Variants in SFMBT2 observed in about 807,000 individuals in gnomAD.
SFMBT2 encodes the protein scm-like with four MBT domains protein 2.
A neutral mutation model predicts 110.1 loss-of-function variants in SFMBT2; 38 were observed. That is an observed-to-expected ratio of 0.35 (90% CI 0.27 to 0.45). The LOEUF is 0.45. Among genes scored for constraint, SFMBT2 ranks in the 20% least tolerant of loss-of-function variants. The probability of loss-of-function intolerance (pLI) is 1.00; values close to 1 mark genes in which losing one functional copy is unlikely to be tolerated. For missense variants in SFMBT2, 1,011 were observed against 1,094.9 expected, an observed-to-expected ratio of 0.92 and a Z score of 1.08; for synonymous variants, 425 against 425.4, an observed-to-expected ratio of 1.00 and a Z score of 0.01.
intron 20 of SFMBT2, among the ~76,000 whole-genome samples, chr10:7,165,477 T>C (rs557425826): frequency 1.3e-5 from 2 of 152,354 alleles, no homozygotes; most frequent in African/African-American, 2.4e-5. Flanking sequence ...AAAAGACTAA[T>C]GTTAAGAGCA....
In SFMBT2 at chr10:7,170,660, G is replaced by A. The variant is rs1486659917; in HGVS notation, c.2544+268C>T. Among the ~76,000 whole-genome samples the A allele has an allele frequency of 6.6e-6, 1 of 152,086 alleles. No homozygotes were observed. The highest frequency in any genetic ancestry group is 1.5e-5 in the Non-Finnish European group (1 of 68,002). The stretch of plus-strand genomic sequence containing the variant: ...CAGGCACCTCCCACCCCTGCTGGGT[G>A]GTGTCACTAGAGCCTGGAAGAGTCA... On this transcript the variant is annotated intron_variant, in intron 20 of 20. Transcript: ENST00000397167. This position sits in a 1 kb window ranked among gnomAD's most constrained non-coding sequence, Gnocchi z 4.6.
At chr10:7,208,908 T>C (rs1029444155) in intron 11 of SFMBT2, among the ~76,000 whole-genome samples, 2 of 152,208 alleles carry the variant, frequency 1.3e-5, no homozygotes, top group Non-Finnish European at 2.9e-5. Flanking sequence ...CAAGTATTTA[T>C]GAGGTCAGAT....
rs530099030 is a variant in SFMBT2 at position 7,385,781 on chromosome 10, C to T, written c.-51-3832G>A. ...TTGGGAGGCCGAGGCGGGCGGATCACGAGGTCAGGAGATCAAGACCATCCT... is the reference window on the plus strand; with the variant it reads ...TTGGGAGGCCGAGGCGGGCGGATCATGAGGTCAGGAGATCAAGACCATCCT... On this transcript the variant is annotated intron_variant, in intron 1 of 20. Transcript: ENST00000397167. 1.0e-3 allele frequency among the ~76,000 whole-genome samples: 157 copies of T among 152,162 alleles called. 1 individual carries two copies. The highest frequency in any genetic ancestry group is 1.7e-3 in the Non-Finnish European group (116 of 68,000).
intron 4 of SFMBT2, among the ~76,000 whole-genome samples, chr10:7,294,206 C>T (rs1051324244): frequency 5.3e-5 from 8 of 152,160 alleles, no homozygotes; most frequent in Admixed American, 2.6e-4. Context: ...AAAGGAAACC[C>T]ACAAAATGGA....
At position 7,227,739 on chromosome 10, in the gene SFMBT2, T is replaced by C. The variant is rs183989730; in HGVS notation, c.1203+116A>G. 7.8e-5 allele frequency: 63 copies of C among 812,268 alleles called. 2 individuals carry two copies. The African/African-American group carries it at 9.0e-4, about 12-fold the overall frequency. The allele number at this position is 812,268 out of a possible 1,614,324, so 50.3% of individuals were successfully genotyped here. A position where few individuals can be genotyped will look rare whatever the true frequency, so the allele number is the denominator to read the frequency against. ...TCCAAAAACTACAGACATTTTGTAG[T>C]TCTCCAGTGCACTGTAATACTCCAA... On this transcript the variant is annotated intron_variant, in intron 10 of 20. Coordinates refer to ENST00000397167, the MANE Select transcript of SFMBT2 (RefSeq NM_001387889.1).
intron 15 of SFMBT2, among the ~76,000 whole-genome samples, chr10:7,197,080 C>T (rs1490673798): frequency 1.3e-5 from 2 of 151,986 alleles, no homozygotes; most frequent in Non-Finnish European, 2.9e-5. Flanking sequence ...GTACCAGGTG[C>T]TCGGAAGAGA....
chr10:7,226,348 A>G (rs1047002007), intron 10 of SFMBT2, among the ~76,000 whole-genome samples: 1 of 152,202 alleles, frequency 6.6e-6, no homozygotes, highest in African/African-American at 2.4e-5. Flanking sequence ...TCATCAACCT[A>G]CTGAATCCTC....
Position 7,284,063 on chromosome 10 carries a change from T to G in SFMBT2, c.613A>C (p.Ile205Leu). 1 of 1,614,094 alleles carries G rather than the reference T, an allele frequency of 6.2e-7. No homozygotes were observed. Among genetic ancestry groups the G allele is most frequent in the Non-Finnish European group, 8.5e-7 (1 of 1,179,990 alleles). Residue 205 changes from isoleucine (I) to leucine (L), a missense_variant, in exon 6 of 21, where the codon ATA becomes CTA. Physicochemically the swap from Ile to Leu is conservative, Grantham distance 5 (BLOSUM62 2). Transcript: ENST00000397167. ...QDSQNPFQYWIVSVIENVGGR... is the reference protein window; with the variant it reads ...QDSQNPFQYWLVSVIENVGGR... ...CCAACATTTTCAATCACACTAACTA[T>G]CCAGTACTGAAAAGGGTTCTGGGAA...
At chr10:7,285,800 T>C in intron 5 of SFMBT2, 66 bp downstream of exon 5, 1 of 815,290 alleles carries the variant, frequency 1.2e-6, no homozygotes, top group Non-Finnish European at 2.2e-6. Flanking sequence ...AAAGGTGCTG[T>C]CAGGTCTGAG....
chr10:7,409,678 T>C (rs923760656), intron 1 of SFMBT2, among the ~76,000 whole-genome samples: 1 of 152,128 alleles, frequency 6.6e-6, no homozygotes, highest in Non-Finnish European at 1.5e-5. Context: ...CCTTCTTTTT[T>C]TCCCCACTTA....
chr10:7,233,024 C>G (rs1040630189), intron 9 of SFMBT2, among the ~76,000 whole-genome samples: 5 of 151,976 alleles, frequency 3.3e-5, no homozygotes, highest in African/African-American at 1.2e-4. Flanking sequence ...GAAGGGTTTA[C>G]AGAAAAAAAT....
At chr10:7,194,574 A>G (rs1219427903) in intron 15 of SFMBT2, among the ~76,000 whole-genome samples, 1 of 152,218 alleles carries the variant, frequency 6.6e-6, no homozygotes, top group African/African-American at 2.4e-5. Context: ...CTCTGTCTTT[A>G]CTTCCATTAC....
chr10:7,212,329 C>T (rs766342835), intron 11 of SFMBT2, among the ~76,000 whole-genome samples: 13 of 152,138 alleles, frequency 8.5e-5, no homozygotes, highest in Non-Finnish European at 1.5e-4. Flanking sequence ...TTTAGGAATA[C>T]ACATTTTATT....
At chr10:7,349,813 G>A (rs1029630707) in intron 4 of SFMBT2, among the ~76,000 whole-genome samples, 1 of 151,976 alleles carries the variant, frequency 6.6e-6, no homozygotes, top group African/African-American at 2.4e-5. Context: ...CTCAGCATGA[G>A]ACCACAAATG....
intron 1 of SFMBT2, among the ~76,000 whole-genome samples, chr10:7,409,603 C>T (rs548025038): frequency 1.1e-3 from 168 of 152,132 alleles, no homozygotes; most frequent in Non-Finnish European, 1.8e-3. Flanking sequence ...CCATCCCTTT[C>T]CCCCCTAGCA....
intron 4 of SFMBT2, among the ~76,000 whole-genome samples, chr10:7,349,455 T>TTG (rs1223894855): frequency 1.6e-5 from 2 of 129,018 alleles, no homozygotes; most frequent in Non-Finnish European, 3.3e-5. Context: ...TTTTTTTTTT[T>TTG]TTTTTTTTTT....
chr10:7,271,762 T>G (rs745999165), intron 7 of SFMBT2, among the ~76,000 whole-genome samples: 5 of 152,084 alleles, frequency 3.3e-5, no homozygotes, highest in Admixed American at 6.5e-5. Context: ...GGTCTCACAA[T>G]CATAGTGGAA....
At chr10:7,361,311 A>G (rs1379485197) in intron 4 of SFMBT2, among the ~76,000 whole-genome samples, 1 of 152,262 alleles carries the variant, frequency 6.6e-6, no homozygotes, top group Non-Finnish European at 1.5e-5. Context: ...AAATTTTAAA[A>G]AGGGTCAGTC....
intron 17 of SFMBT2, among the ~76,000 whole-genome samples, chr10:7,174,063 G>C (rs190472704): frequency 6.6e-6 from 1 of 152,118 alleles, no homozygotes; most frequent in Non-Finnish European, 1.5e-5. Flanking sequence ...AAAAACTGTC[G>C]GGAAGCCGCA....
Sources: allele counts gnomAD v4.1 joint callset (sites outside exome capture counted in the v4.1 genomes callset), GRCh38; gene constraint gnomAD v4.1.1; non-coding constraint Gnocchi (gnomAD v3.1); transcripts MANE v1.5; gene names NCBI Gene and HGNC (gene_info 2026-07-23, HGNC 2026-07-21).